STRN3: variants seen among roughly 807,000 people sequenced by gnomAD.
STRN3 encodes striatin-3.
STRN3 carries 29 observed loss-of-function variants against 95.6 expected under a neutral mutation model. The ratio of observed to expected loss-of-function variants is 0.30; its 90% CI spans 0.23 to 0.41. STRN3 has a LOEUF of 0.41. STRN3 is among the 10% of genes least tolerant of loss of function. The pLI is 1.00. For synonymous variants in STRN3, 331 were observed against 357.6 expected (o/e 0.93, Z 0.84); for missense variants, 890 against 972.1 (o/e 0.92, Z 1.12).
intron 14 of STRN3, among the ~76,000 whole-genome samples, chr14:30,906,476 T>C (rs996777208): frequency 6.6e-6 from 1 of 152,176 alleles, no homozygotes. Flanking sequence ...TCAGTGACTA[T>C]GGCTGGACTA....
At chr14:30,923,103 T>A (rs1896925338) in intron 8 of STRN3, among the ~76,000 whole-genome samples, 2 of 152,200 alleles carry the variant, frequency 1.3e-5, no homozygotes. Flanking sequence ...ATTAGTACTA[T>A]GTGCTAAACG....
chr14:31,005,503 G>A (rs534997138), intron 1 of STRN3, among the ~76,000 whole-genome samples: 1 of 152,180 alleles, frequency 6.6e-6, no homozygotes, highest in Non-Finnish European at 1.5e-5. Context: ...TAAACAAAAG[G>A]AACCGCAATT....
chr14:30,955,557 AACATGTCTGTT>A, intron 3 of STRN3, 52 bp downstream of exon 3: 1 of 1,385,134 alleles, frequency 7.2e-7, no homozygotes, highest in Non-Finnish European at 9.8e-7. Flanking sequence ...GGGTAAAGAG[AACATGTCTGTT>A]ACATAAAAAA....
chr14:30,908,409 G>A (rs1223120771), intron 13 of STRN3, among the ~76,000 whole-genome samples: 1 of 152,084 alleles, frequency 6.6e-6, no homozygotes, highest in Non-Finnish European at 1.5e-5. Context: ...TTTCTTTGAT[G>A]ATACAAAACA....
chr14:30,965,585 T>C (rs1880447895), intron 1 of STRN3, among the ~76,000 whole-genome samples: 1 of 151,874 alleles, frequency 6.6e-6, no homozygotes, highest in Admixed American at 6.6e-5. Flanking sequence ...TTTGGGAGGC[T>C]GAGGCAGATG....
At position 30,989,388 on chromosome 14, in the gene STRN3, A is replaced by G. The variant is rs542767811; in HGVS notation, c.283-33146T>C. Among the ~76,000 whole-genome samples the G allele has an allele frequency of 1.1e-4, 17 of 152,280 alleles. No homozygotes were observed. In the South Asian group the frequency reaches 3.5e-3, roughly 32 times the overall value. On this transcript the variant is annotated intron_variant, in intron 1 of 17. Coordinates refer to ENST00000357479, the MANE Select transcript of STRN3 (RefSeq NM_001083893.2). ...ATGGCAGCCCAATGATATAGTGACT[A>G]TTTCTCCAAAGGTAGTAGATTGGGA... is the stretch of plus-strand genomic sequence containing the variant.
intron 16 of STRN3, among the ~76,000 whole-genome samples, chr14:30,898,592 G>T (rs1896221012): frequency 6.6e-6 from 1 of 152,166 alleles, no homozygotes; most frequent in African/African-American, 2.4e-5. Context: ...GGACCAAGTT[G>T]TATGTTGGGC....
chr14:30,990,292 A>G (rs1009764540), intron 1 of STRN3, among the ~76,000 whole-genome samples: 2 of 151,454 alleles, frequency 1.3e-5, no homozygotes, highest in Non-Finnish European at 2.9e-5. Context: ...CCTCCCAAGT[A>G]GCTGGGACTA....
At position 30,954,341 on chromosome 14, in the gene STRN3, G is replaced by A. The variant is rs538157532; in HGVS notation, c.460+1279C>T. 7.9e-5 allele frequency among the ~76,000 whole-genome samples: 12 copies of A among 152,050 alleles called. No individual in the cohort carries two copies. In the South Asian group the frequency reaches 2.1e-3, roughly 26 times the overall value. On this transcript the variant is annotated intron_variant, in intron 3 of 17. Transcript: ENST00000357479. ...ATCTATTTATTTTACTGAGAAAGGG[G>A]TATAAATACTTATATATCTTCTACT...
intron 1 of STRN3, among the ~76,000 whole-genome samples, chr14:31,007,787 T>A (rs1474754017): frequency 1.3e-5 from 2 of 151,930 alleles, no homozygotes; most frequent in Non-Finnish European, 2.9e-5. Flanking sequence ...TCACCTATAG[T>A]CTCAGCTATG....
chr14:31,025,796 C>T (rs1883833691), intron 1 of STRN3, 108 bp downstream of exon 1: 2 of 1,461,318 alleles, frequency 1.4e-6, no homozygotes, highest in Non-Finnish European at 1.8e-6. Flanking sequence ...AGGTAGGTTC[C>T]GCTCGGCCTC....
At chr14:30,937,726 C>G (rs1234408088) in intron 5 of STRN3, among the ~76,000 whole-genome samples, 1 of 152,114 alleles carries the variant, frequency 6.6e-6, no homozygotes, top group Non-Finnish European at 1.5e-5. Flanking sequence ...AATTTCTTTA[C>G]CTGTAAATTG....
chr14:30,979,653 G>A (rs2139221678), intron 1 of STRN3, among the ~76,000 whole-genome samples: 1 of 152,204 alleles, frequency 6.6e-6, no homozygotes, highest in Admixed American at 6.5e-5. Context: ...AGGCTGGAGT[G>A]CAGTGGCACC....
chr14:30,984,593 C>CA (rs1440816538), intron 1 of STRN3, among the ~76,000 whole-genome samples: 6 of 151,916 alleles, frequency 3.9e-5, no homozygotes, highest in African/African-American at 1.5e-4. Context: ...TCCTGGCCAA[C>CA]AGGATGAAAC....
chr14:31,012,538 G>A (rs1446511537), intron 1 of STRN3, among the ~76,000 whole-genome samples: 1 of 152,052 alleles, frequency 6.6e-6, no homozygotes, highest in Non-Finnish European at 1.5e-5. Flanking sequence ...TCCAGCAATA[G>A]TGGATTAGGT....
At chr14:30,944,966 T>C (rs1879288501) in intron 5 of STRN3, among the ~76,000 whole-genome samples, 1 of 152,176 alleles carries the variant, frequency 6.6e-6, no homozygotes, top group Non-Finnish European at 1.5e-5. Context: ...ATCTAGGGTA[T>C]AAAATAATGT....
chr14:30,953,573 C>T (rs1879756657), intron 3 of STRN3, among the ~76,000 whole-genome samples: 1 of 152,138 alleles, frequency 6.6e-6, no homozygotes, highest in African/African-American at 2.4e-5. Flanking sequence ...CTTACACAAG[C>T]TTCATGATGA....
intron 1 of STRN3, among the ~76,000 whole-genome samples, chr14:30,967,288 G>A (rs1191133536): frequency 2.7e-5 from 4 of 146,366 alleles, no homozygotes; most frequent in Non-Finnish European, 6.0e-5. Flanking sequence ...GCAGAGAGGG[G>A]GGAAAGAGAG....
intron 1 of STRN3, among the ~76,000 whole-genome samples, chr14:31,011,944 T>C (rs1434530009): frequency 3.9e-5 from 6 of 152,082 alleles, no homozygotes; most frequent in Admixed American, 3.9e-4. Context: ...TAGTTGGGCA[T>C]GGTGGCAGGC....
Sources: allele counts gnomAD v4.1 joint callset (sites outside exome capture counted in the v4.1 genomes callset), GRCh38; gene constraint gnomAD v4.1.1; transcripts MANE v1.5; gene names NCBI Gene and HGNC (gene_info 2026-07-23, HGNC 2026-07-21).